SEMA6D: variants seen among roughly 807,000 people sequenced by gnomAD.
SEMA6D encodes semaphorin 6D, also known as semaphorin-6D.
Under a neutral mutation model 106.6 loss-of-function variants are expected in SEMA6D, and 35 were observed. The ratio of observed to expected loss-of-function variants is 0.33; its 90% CI spans 0.25 to 0.44. SEMA6D has a LOEUF of 0.44. Among genes scored for constraint, SEMA6D ranks in the 20% least tolerant of loss-of-function variants. The pLI is 1.00. For missense variants in SEMA6D, 1,185 were observed against 1,345.9 expected (o/e 0.88, Z 1.87); for synonymous variants, 499 against 487.7 (o/e 1.02, Z -0.31).
chr15:47,333,178 A>G (rs1295844819), intron 1 of SEMA6D, among the ~76,000 whole-genome samples: 1 of 152,206 alleles, frequency 6.6e-6, no homozygotes, highest in Non-Finnish European at 1.5e-5. Context: ...TCACGATTTA[A>G]AATGACCTCT....
chr15:47,764,800 T>C lies in SEMA6D; in HGVS notation c.1253+7T>C, dbSNP rs2082247710. On this transcript the variant is annotated splice_region_variant and intron_variant, in intron 12 of 18. Transcript: ENST00000536845. ...TCACAAAGACTCGGGTCAGGTGAGA[T>C]TGTGTGTGAAACACTCCTTCCTATT... The C allele has an allele frequency of 6.2e-7, 1 of 1,613,726 alleles. No individual in the cohort carries two copies. The highest frequency in any genetic ancestry group is 1.3e-5 in the African/African-American group (1 of 74,904).
chr15:47,506,867 A>G (rs1298209307), intron 3 of SEMA6D, among the ~76,000 whole-genome samples: 1 of 152,162 alleles, frequency 6.6e-6, no homozygotes, highest in Non-Finnish European at 1.5e-5. Flanking sequence ...AGATCCAGAC[A>G]GCGACTGCAA....
At chr15:47,237,239 A>G (rs1417311181) in intron 1 of SEMA6D, among the ~76,000 whole-genome samples, 2 of 152,178 alleles carry the variant, frequency 1.3e-5, no homozygotes, top group African/African-American at 4.8e-5. Context: ...AAGGAATTTA[A>G]TAAGTTCTAT....
intron 1 of SEMA6D, among the ~76,000 whole-genome samples, chr15:47,217,720 G>A (rs923723452): frequency 4.0e-5 from 6 of 151,386 alleles, no homozygotes; most frequent in African/African-American, 7.3e-5. Flanking sequence ...AAAATGTTAT[G>A]CCATTTTTCT....
At chr15:47,692,903 T>G (rs961443203) in intron 4 of SEMA6D, among the ~76,000 whole-genome samples, 15 of 150,720 alleles carry the variant, frequency 1.0e-4, no homozygotes, top group Admixed American at 4.0e-4. Context: ...ATTAATATGA[T>G]TAGGAAAGGC....
chr15:47,515,112 G>A (rs750642112), intron 3 of SEMA6D, among the ~76,000 whole-genome samples: 11 of 152,088 alleles, frequency 7.2e-5, no homozygotes, highest in Non-Finnish European at 8.8e-5. Context: ...CTTGACTTAC[G>A]GCTTTTTCAT....
chr15:47,501,734 T>C (rs2043854558), intron 3 of SEMA6D, among the ~76,000 whole-genome samples: 1 of 152,196 alleles, frequency 6.6e-6, no homozygotes, highest in Non-Finnish European at 1.5e-5. Context: ...CATTATTTGA[T>C]GCAGCAAAAG....
intron 1 of SEMA6D, among the ~76,000 whole-genome samples, chr15:47,347,037 T>C (rs1430485331): frequency 6.6e-6 from 1 of 152,088 alleles, no homozygotes; most frequent in Non-Finnish European, 1.5e-5. Context: ...ACCTCCCAAG[T>C]AGCTGCGATT....
chr15:47,470,297 A>G (rs993564274), intron 2 of SEMA6D, among the ~76,000 whole-genome samples: 2 of 152,112 alleles, frequency 1.3e-5, no homozygotes, highest in African/African-American at 4.8e-5. Context: ...TTACTTATTA[A>G]GTTTTGCATG....
rs1431752329 is a variant in SEMA6D at position 47,763,087 on chromosome 15, C to T, written c.730C>T (p.His244Tyr). Residue 244 changes from histidine to tyrosine, a missense_variant, in exon 9 of 19, where the codon CAT (histidine) becomes TAT (tyrosine). Physicochemically the swap from His to Tyr is moderately conservative, Grantham distance 83. Coordinates refer to ENST00000536845, the MANE Select transcript of SEMA6D (RefSeq NM_001358351.3). Reference protein sequence around the residue: ...YFFFREIAVEHNNLGKAVYSR... With the variant: ...YFFFREIAVEYNNLGKAVYSR... ...CTTCTTTCGAGAAATCGCTGTCGAA[C>T]ATAATAATTTAGGCAAGGCAAGTAT... 6.2e-7 allele frequency: 1 copy of T among 1,612,014 alleles called. No homozygotes were observed.
chr15:47,513,300 T>C (rs999727408), intron 3 of SEMA6D, among the ~76,000 whole-genome samples: 1 of 152,194 alleles, frequency 6.6e-6, no homozygotes, highest in African/African-American at 2.4e-5. Context: ...TTTATGCTAC[T>C]AGTAGCCCAC....
chr15:47,358,669 C>A (rs2038685580), intron 1 of SEMA6D, among the ~76,000 whole-genome samples: 2 of 152,116 alleles, frequency 1.3e-5, no homozygotes, highest in South Asian at 4.1e-4. Context: ...TTTCATGGGA[C>A]AGAAGTAGTA....
intron 1 of SEMA6D, among the ~76,000 whole-genome samples, chr15:47,361,594 G>A (rs911761984): frequency 6.6e-6 from 1 of 152,156 alleles, no homozygotes; most frequent in Admixed American, 6.5e-5. Context: ...GTGAGGGCAG[G>A]GACTTGGGCT....
chr15:47,283,411 A>G (rs150511575), intron 1 of SEMA6D, among the ~76,000 whole-genome samples: 1 of 152,190 alleles, frequency 6.6e-6, no homozygotes, highest in Non-Finnish European at 1.5e-5. Flanking sequence ...TAATTGGTTG[A>G]ATTGTACTTT....
chr15:47,449,975 C>G (rs903685671), intron 2 of SEMA6D, among the ~76,000 whole-genome samples: 1 of 152,026 alleles, frequency 6.6e-6, no homozygotes, highest in African/African-American at 2.4e-5. Context: ...AGACACATCT[C>G]GACTTCCACA....
chr15:47,213,744 A>G (rs2030282583), intron 1 of SEMA6D, among the ~76,000 whole-genome samples: 1 of 152,142 alleles, frequency 6.6e-6, no homozygotes, highest in African/African-American at 2.4e-5. Context: ...GAGGAAGTAA[A>G]TGGGAAAATG....
intron 2 of SEMA6D, among the ~76,000 whole-genome samples, chr15:47,425,822 C>T (rs968835533): frequency 3.9e-5 from 6 of 151,946 alleles, no homozygotes; most frequent in Non-Finnish European, 7.4e-5. Context: ...CAAATTTTCA[C>T]AGAATCTGGG....
intron 3 of SEMA6D, among the ~76,000 whole-genome samples, chr15:47,491,785 A>G (rs1435965104): frequency 6.6e-6 from 1 of 152,216 alleles, no homozygotes; most frequent in Non-Finnish European, 1.5e-5. Context: ...GTTTTGCCAA[A>G]GAAATCTCAT....
In SEMA6D at chr15:47,300,888, C is replaced by T. The variant is rs574038269; in HGVS notation, c.-238-111505C>T. ...TCTTAAATATGGTATTGTCTCTGAC[C>T]ATCCTTGCCATTGCCCTAAACCACC... On this transcript the variant is annotated intron_variant, in intron 1 of 19. Transcript: ENST00000558014. 3.3e-5 allele frequency among the ~76,000 whole-genome samples: 5 copies of T among 152,320 alleles called. No homozygotes were observed. The South Asian group carries it at 1.0e-3, about 32-fold the overall frequency.
Sources: gnomAD v4.1 joint callset for allele counts (sites outside exome capture counted in the v4.1 genomes callset) on GRCh38, gnomAD v4.1.1 for gene constraint, MANE v1.5 for transcripts, NCBI Gene and HGNC (gene_info 2026-07-23, HGNC 2026-07-21) for gene names.